The following KCNG2 variants were observed in gnomAD, a reference collection of about 807,000 sequenced individuals.
KCNG2 encodes the protein voltage-gated potassium channel regulatory subunit KCNG2.
KCNG2 carries 7 observed loss-of-function variants against 12.3 expected under a neutral mutation model. That is an observed-to-expected ratio of 0.57 (90% CI 0.32 to 1.07). KCNG2 has a LOEUF of 1.07. Among genes scored for constraint, KCNG2 ranks in the 50% least tolerant of loss-of-function variants. The pLI, the probability that KCNG2 is intolerant of heterozygous loss-of-function variation, is 0.04. For missense variants in KCNG2, 703 were observed against 726.0 expected (o/e 0.97, Z 0.36); for synonymous variants, 414 against 351.4 (o/e 1.18, Z -1.99).
chr18:79,898,259 A>T (rs1981049855), intron 3 of KCNG2, among the ~76,000 whole-genome samples: 1 of 152,144 alleles, frequency 6.6e-6, no homozygotes, highest in African/African-American at 2.4e-5. Flanking sequence ...GGGGATGGGG[A>T]CAGCTGCGAG....
At chr18:79,799,269 T>G (rs571106798) in intron 1 of KCNG2, among the ~76,000 whole-genome samples, 1 of 152,288 alleles carries the variant, frequency 6.6e-6, no homozygotes, top group Admixed American at 6.5e-5. Context: ...GACTCAGCCC[T>G]GAGTGGTTTT....
chr18:79,899,790 G>T lies in KCNG2; in HGVS notation c.1375G>T (p.Ala459Ser). 2 of 1,447,342 alleles carry T rather than the reference G, an allele frequency of 1.4e-6. No individual in the cohort carries two copies. Among genetic ancestry groups the T allele is most frequent in the Non-Finnish European group, 1.8e-6 (2 of 1,109,026 alleles). The allele number at this position is 1,447,342 out of a possible 1,614,324, so 89.7% of individuals were successfully genotyped here. A position where few individuals can be genotyped will look rare whatever the true frequency, so the allele number is the denominator to read the frequency against. The change falls in exon 4 of 4, where the codon GCG (alanine) becomes TCG (serine). Residue 459 changes from alanine (A) to serine (S), a missense_variant. By Grantham distance (99) the Ala-to-Ser change is moderately conservative (BLOSUM62 1). Transcript: ENST00000316249. ...GGGCCTGGCCGACGACTCCGCGGAT[G>T]CGCTGTGGGTGCGGGCAGGGCGCTG... ...SAGLADDSAD[A>S]LWVRAGR
intron 1 of KCNG2, among the ~76,000 whole-genome samples, chr18:79,816,963 G>A (rs554310219): frequency 3.9e-5 from 6 of 152,348 alleles, no homozygotes; most frequent in African/African-American, 1.4e-4. Context: ...CTGTCACATG[G>A]CTGTCACAAG....
intron 1 of KCNG2, among the ~76,000 whole-genome samples, chr18:79,823,213 G>A (rs900212798): frequency 1.3e-5 from 2 of 152,176 alleles, no homozygotes; most frequent in Non-Finnish European, 2.9e-5. Context: ...CTTCCGGCAC[G>A]TGCCCCACCG....
chr18:79,810,602 T>TA (rs60416483), intron 1 of KCNG2, among the ~76,000 whole-genome samples: 13,180 of 151,008 alleles, frequency 0.087, 725 homozygotes, highest in Non-Finnish European at 0.13. Context: ...ACCCTGTCTC[T>TA]AAAAAAAAAG....
At position 79,879,685 on chromosome 18, in the gene KCNG2, G is replaced by A. The variant is rs113824828; in HGVS notation, c.624+15394G>A. Reference sequence around the variant, plus strand: ...TGGCCTACCAGGGTTCCAGAAAGGCGAGAATGAGAAAGGGTGTTATGGTTC... The same window carrying A: ...TGGCCTACCAGGGTTCCAGAAAGGCAAGAATGAGAAAGGGTGTTATGGTTC... On this transcript the variant is annotated intron_variant, in intron 3 of 3. Coordinates refer to ENST00000316249, the MANE Select transcript of KCNG2 (RefSeq NM_012283.2). Among the ~76,000 whole-genome samples, 1,450 of 152,300 alleles carry A rather than the reference G, an allele frequency of 9.5e-3. 16 individuals are homozygous for A. Among genetic ancestry groups the A allele is most frequent in the Non-Finnish European group, 0.014 (936 of 68,022 alleles).
intron 1 of KCNG2, among the ~76,000 whole-genome samples, chr18:79,833,065 T>C (rs1978305020): frequency 1.3e-5 from 2 of 152,228 alleles, no homozygotes; most frequent in Non-Finnish European, 1.5e-5. Flanking sequence ...TTTTTTCTTA[T>C]TACTTCAGTG....
intron 1 of KCNG2, among the ~76,000 whole-genome samples, chr18:79,805,548 T>A (rs957685746): frequency 6.6e-6 from 1 of 152,188 alleles, no homozygotes; most frequent in African/African-American, 2.4e-5. Context: ...CCTTTTTTTT[T>A]TCTTCTATCG....
chr18:79,871,733 C>A (rs1361263432), intron 3 of KCNG2, among the ~76,000 whole-genome samples: 2 of 152,206 alleles, frequency 1.3e-5, no homozygotes, highest in African/African-American at 4.8e-5. Context: ...CCTCTGCGTC[C>A]GTCTGCGTCC....
intron 3 of KCNG2, among the ~76,000 whole-genome samples, chr18:79,878,969 A>G (rs1259632973): frequency 6.6e-6 from 1 of 152,242 alleles, no homozygotes; most frequent in African/African-American, 2.4e-5. Context: ...AATGGGGACG[A>G]CAATGGGTGG....
intron 1 of KCNG2, among the ~76,000 whole-genome samples, chr18:79,837,552 CA>C (rs1322194182): frequency 6.6e-6 from 1 of 152,218 alleles, no homozygotes; most frequent in Non-Finnish European, 1.5e-5. Flanking sequence ...ATCTCAAGTT[CA>C]AAGGTCCACA....
chr18:79,891,036 G>A (rs1410415455), intron 3 of KCNG2, among the ~76,000 whole-genome samples: 1 of 152,032 alleles, frequency 6.6e-6, no homozygotes, highest in East Asian at 1.9e-4. Context: ...TTCTCTATGG[G>A]TTTTGTCTTC....
chr18:79,850,915 T>A (rs907701005), intron 1 of KCNG2, among the ~76,000 whole-genome samples: 2 of 152,004 alleles, frequency 1.3e-5, no homozygotes, highest in Admixed American at 1.3e-4. Flanking sequence ...CCGCACAGAG[T>A]GGACGGGGCC....
chr18:79,874,636 G>A (rs969312950), intron 3 of KCNG2, among the ~76,000 whole-genome samples: 25 of 152,238 alleles, frequency 1.6e-4, no homozygotes, highest in Admixed American at 1.4e-3. Flanking sequence ...GATGGCAGCC[G>A]TCTGTCTGCG....
At chr18:79,866,015 TGG>T (rs1979511386) in intron 3 of KCNG2, among the ~76,000 whole-genome samples, 2 of 146,090 alleles carry the variant, frequency 1.4e-5, no homozygotes, top group South Asian at 2.2e-4. Context: ...CTGAGAGGTC[TGG>T]GTGCTGAGAG....
In KCNG2 at chr18:79,803,290, G is replaced by C. The variant is rs1467718753; in HGVS notation, c.-115+5276G>C. Among the ~76,000 whole-genome samples the C allele has an allele frequency of 6.6e-6, 1 of 151,972 alleles. No individual in the cohort carries two copies. Among genetic ancestry groups the C allele is most frequent in the African/African-American group, 2.4e-5 (1 of 41,338 alleles). ...GCTCTTTCACCTCTGTAGTCACAGG[G>C]CAGGGCCAGCCCCCTCACCTCTAGG... On this transcript the variant is annotated intron_variant, in intron 1 of 3. Coordinates refer to ENST00000316249, the MANE Select transcript of KCNG2 (RefSeq NM_012283.2). The surrounding 1 kb of genome is among the most constrained non-coding windows in gnomAD (Gnocchi z 4.5).
At chr18:79,875,883 C>T (rs1980050430) in intron 3 of KCNG2, 1 of 152,464 alleles carries the variant, frequency 6.6e-6, no homozygotes, top group Admixed American at 6.5e-5. Context: ...ATGCCCAGCG[C>T]ACTGATGCAG....
chr18:79,898,006 C>T (rs1237124550), intron 3 of KCNG2, among the ~76,000 whole-genome samples: 1 of 152,182 alleles, frequency 6.6e-6, no homozygotes, highest in Non-Finnish European at 1.5e-5. Context: ...GCTCTGACCC[C>T]AGGAGGGCTC....
At chr18:79,825,144 G>A (rs912790300) in intron 1 of KCNG2, among the ~76,000 whole-genome samples, 4 of 152,150 alleles carry the variant, frequency 2.6e-5, no homozygotes, top group African/African-American at 9.7e-5. Flanking sequence ...AAATGGGTCT[G>A]CTGAAGTTTC....
Sources: gnomAD v4.1 joint callset for allele counts (sites outside exome capture counted in the v4.1 genomes callset) on GRCh38, gnomAD v4.1.1 for gene constraint, Gnocchi (gnomAD v3.1) non-coding constraint, MANE v1.5 for transcripts, NCBI Gene and HGNC (gene_info 2026-07-23, HGNC 2026-07-21) for gene names.